Variants in L3MBTL4 observed in about 807,000 individuals in gnomAD.
L3MBTL4 encodes the protein L3MBTL histone methyl-lysine binding protein 4.
L3MBTL4 carries 70 observed loss-of-function variants against 84.5 expected under a neutral mutation model. That is an observed-to-expected ratio of 0.83 (90% CI 0.68 to 1.01). The LOEUF (loss-of-function observed/expected upper bound fraction) is 1.01, where lower values mean the gene tolerates loss of function less well. Ranked by LOEUF, L3MBTL4 falls within the 50% of genes least tolerant of loss-of-function variation. L3MBTL4 has a pLI of 0.00. For missense variants in L3MBTL4, 715 were observed against 754.8 expected (o/e 0.95, Z 0.62); for synonymous variants, 274 against 259.8 (o/e 1.05, Z -0.52).
chr18:6,356,427 A>G (rs1259381091), intron 1 of L3MBTL4, among the ~76,000 whole-genome samples: 1 of 152,268 alleles, frequency 6.6e-6, no homozygotes, highest in African/African-American at 2.4e-5. Flanking sequence ...CAACATAAAC[A>G]TACAGTCATG....
At chr18:6,213,116 T>C (rs370691301) in intron 12 of L3MBTL4, 33 bp downstream of exon 12, 4 of 1,202,168 alleles carry the variant, frequency 3.3e-6, no homozygotes, top group Admixed American at 2.4e-5. Context: ...GGAAAAATAT[T>C]GATATAATAA....
intron 13 of L3MBTL4, among the ~76,000 whole-genome samples, chr18:6,153,411 A>G (rs1480056897): frequency 6.6e-6 from 1 of 152,172 alleles, no homozygotes; most frequent in Admixed American, 6.5e-5. Context: ...AAAAGTTTTC[A>G]GCAGGCAGAT....
intron 4 of L3MBTL4, among the ~76,000 whole-genome samples, chr18:6,271,222 A>G (rs1461343957): frequency 2.0e-5 from 3 of 152,226 alleles, no homozygotes; most frequent in African/African-American, 7.2e-5. Flanking sequence ...AAAACTGCTA[A>G]GAAAGTAAAT....
At chr18:6,008,962 T>C (rs9959352) in intron 16 of L3MBTL4, among the ~76,000 whole-genome samples, 81,114 of 151,976 alleles carry the variant, frequency 0.53, 23,865 homozygotes, top group Non-Finnish European at 0.69. Context: ...ACACTCTCAG[T>C]GGGATGGGAA....
intron 14 of L3MBTL4, among the ~76,000 whole-genome samples, chr18:6,119,117 A>T (rs2059449794): frequency 6.7e-6 from 1 of 148,482 alleles, no homozygotes; most frequent in African/African-American, 2.5e-5. Context: ...TATTTTCACC[A>T]GTTATTAACA....
intron 1 of L3MBTL4, among the ~76,000 whole-genome samples, chr18:6,321,748 CA>C (rs1456075720): frequency 6.6e-6 from 1 of 152,038 alleles, no homozygotes; most frequent in Non-Finnish European, 1.5e-5. Flanking sequence ...TCTTTTGCAG[CA>C]ACTTGGATGG....
intron 13 of L3MBTL4, among the ~76,000 whole-genome samples, chr18:6,143,188 T>G (rs996056496): frequency 2.6e-5 from 4 of 152,224 alleles, no homozygotes; most frequent in African/African-American, 9.6e-5. Context: ...TTTAATGTAC[T>G]TTATTAAATT....
chr18:6,080,908 C>A lies in L3MBTL4; in HGVS notation c.1417G>T (p.Asp473Tyr). The change falls in exon 16 of 19, where the codon GAT becomes TAT. Residue 473 changes from aspartate (D) to tyrosine (Y), a missense_variant. Asp to Tyr is a radical substitution (Grantham distance 160, BLOSUM62 -3). Transcript: ENST00000317931. ...CTGAAGAGATTATCCAAGTCAATAT[C>A]TTCTTTTCCTTTGATTTTCAAACAC... is the stretch of plus-strand genomic sequence containing the variant. ...AKCLKIKGKE[D>Y]IDLDNLFREY... The A allele has an allele frequency of 6.2e-7, 1 of 1,608,472 alleles. No homozygotes were observed. Among genetic ancestry groups the A allele is most frequent in the Non-Finnish European group, 8.5e-7 (1 of 1,177,600 alleles).
intron 10 of L3MBTL4, among the ~76,000 whole-genome samples, chr18:6,237,152 A>G (rs1568360251): frequency 6.6e-6 from 1 of 152,146 alleles, no homozygotes; most frequent in Non-Finnish European, 1.5e-5. Context: ...AACTAACTAG[A>G]TAGAGTCCTT....
chr18:6,149,949 T>C (rs2042819569), intron 13 of L3MBTL4, among the ~76,000 whole-genome samples: 1 of 152,172 alleles, frequency 6.6e-6, no homozygotes, highest in Non-Finnish European at 1.5e-5. Flanking sequence ...TGATAACGTG[T>C]ATACTCCTAA....
chr18:6,368,142 G>A (rs1408726958), intron 1 of L3MBTL4, among the ~76,000 whole-genome samples: 1 of 151,852 alleles, frequency 6.6e-6, no homozygotes, highest in Non-Finnish European at 1.5e-5. Flanking sequence ...ACAGGCAATG[G>A]TAGCGCCATC....
intron 15 of L3MBTL4, among the ~76,000 whole-genome samples, chr18:6,083,321 C>T (rs1180701633): frequency 2.0e-5 from 3 of 152,066 alleles, no homozygotes; most frequent in East Asian, 1.9e-4. Flanking sequence ...GCATAAGTAA[C>T]GTGGGACGGG....
chr18:5,982,454 G>T (rs1016656792), intron 16 of L3MBTL4, among the ~76,000 whole-genome samples: 1 of 152,162 alleles, frequency 6.6e-6, no homozygotes, highest in African/African-American at 2.4e-5. Flanking sequence ...TCTGAAGCAA[G>T]GTCTCTGTCA....
chr18:6,062,181 TC>T (rs1490676852), intron 16 of L3MBTL4, among the ~76,000 whole-genome samples: 1 of 152,008 alleles, frequency 6.6e-6, no homozygotes, highest in Admixed American at 6.6e-5. Flanking sequence ...GAGACAAATT[TC>T]CCCAGTTTTT....
rs368031188 is a variant in L3MBTL4, at chr18:6,081,810, A to C, written c.1374-859T>G. On this transcript the variant is annotated intron_variant, in intron 15 of 18. Transcript: ENST00000317931. ...TACAGAATTTGAGATAATTGTATCT[A>C]TATGTTTATTTGTATGTTTACACAA... Among the ~76,000 whole-genome samples, 6 of 152,346 alleles carry C rather than the reference A, an allele frequency of 3.9e-5. No homozygotes were observed. The East Asian group carries it at 9.6e-4, about 24-fold the overall frequency.
At chr18:6,238,528 A>G (rs1187415255) in intron 9 of L3MBTL4, among the ~76,000 whole-genome samples, 1 of 151,924 alleles carries the variant, frequency 6.6e-6, no homozygotes, top group African/African-American at 2.4e-5. Context: ...GCGAGATTCC[A>G]TCTCAAAAAA....
intron 10 of L3MBTL4, among the ~76,000 whole-genome samples, chr18:6,228,930 G>A (rs548578959): frequency 6.6e-6 from 1 of 152,120 alleles, no homozygotes; most frequent in African/African-American, 2.4e-5. Flanking sequence ...TTCTGATGGA[G>A]AATGTGAGAG....
intron 4 of L3MBTL4, among the ~76,000 whole-genome samples, chr18:6,266,901 C>T (rs959154290): frequency 7.9e-5 from 12 of 151,446 alleles, no homozygotes; most frequent in African/African-American, 2.4e-4. Context: ...CCAGCCTGGG[C>T]GACAGAGTGA....
intron 14 of L3MBTL4, among the ~76,000 whole-genome samples, chr18:6,103,896 A>C (rs866115636): frequency 7.9e-5 from 12 of 152,318 alleles, no homozygotes; most frequent in Middle Eastern, 3.4e-3. Context: ...AGACTAGCCC[A>C]TCTTTCAACT....
Sources: gnomAD v4.1 joint callset for allele counts (sites outside exome capture counted in the v4.1 genomes callset) on GRCh38, gnomAD v4.1.1 for gene constraint, MANE v1.5 for transcripts, NCBI Gene and HGNC (gene_info 2026-07-23, HGNC 2026-07-21) for gene names.